Variants in CSNK2A2IP observed in about 807,000 individuals in gnomAD.
CSNK2A2IP encodes casein kinase II subunit alpha'-interacting protein.
chr3:88,368,066 A>T, the CSNK2A2IP span, among the ~76,000 whole-genome samples: 2 of 152,048 alleles, frequency 1.3e-5, no homozygotes, highest in Non-Finnish European at 2.9e-5. Flanking sequence ...AATGTCATTA[A>T]CATTTTCTCT....
chr3:88,428,666 A>C, the CSNK2A2IP span, among the ~76,000 whole-genome samples: 1 of 152,166 alleles, frequency 6.6e-6, no homozygotes. Context: ...ATTTATTAGA[A>C]GTAGTATGGT....
At chr3:88,457,864 C>T in the CSNK2A2IP span, among the ~76,000 whole-genome samples, 2 of 151,842 alleles carry the variant, frequency 1.3e-5, no homozygotes, top group African/African-American at 4.8e-5. Context: ...TTGATAGGGT[C>T]ATCAACGAAG....
At chr3:88,411,802 CAT>C in the CSNK2A2IP span, among the ~76,000 whole-genome samples, 16 of 150,956 alleles carry the variant, frequency 1.1e-4, no homozygotes, top group African/African-American at 2.2e-4. Flanking sequence ...ATATTATAAA[CAT>C]GTGAAATATC....
chr3:88,435,894 CACATTATGTGTGCATTATATA>C, the CSNK2A2IP span, among the ~76,000 whole-genome samples: 1 of 17,094 alleles, frequency 5.9e-5, no homozygotes, highest in Non-Finnish European at 2.6e-4. Context: ...ATATATAATG[CACATTATGTGTGCATTATATA>C]TATAATGCAC....
At chr3:88,454,965 A>G in the CSNK2A2IP span, among the ~76,000 whole-genome samples, 1 of 151,044 alleles carries the variant, frequency 6.6e-6, no homozygotes, top group African/African-American at 2.4e-5. Context: ...GGTTTCACAT[A>G]TAAGTGAGAT....
chr3:88,417,932 GCTAGTTAA>G, the CSNK2A2IP span, among the ~76,000 whole-genome samples: 1 of 152,150 alleles, frequency 6.6e-6, no homozygotes, highest in East Asian at 1.9e-4. Context: ...GCAAGATCTA[GCTAGTTAA>G]CTGTACTTGG....
At chr3:88,369,316 T>C in the CSNK2A2IP span, among the ~76,000 whole-genome samples, 1 of 150,714 alleles carries the variant, frequency 6.6e-6, no homozygotes, top group Non-Finnish European at 1.5e-5. Flanking sequence ...ATTTGCAAGT[T>C]TGTGTGTGTG....
At chr3:88,410,748 A>G in the CSNK2A2IP span, among the ~76,000 whole-genome samples, 32 of 152,164 alleles carry the variant, frequency 2.1e-4, no homozygotes, top group Admixed American at 1.8e-3. Flanking sequence ...TCTAATGACA[A>G]GAAATCAACT....
chr3:88,355,133 C>T, the CSNK2A2IP span, among the ~76,000 whole-genome samples: 10 of 152,134 alleles, frequency 6.6e-5, no homozygotes, highest in African/African-American at 1.9e-4. Context: ...AGGAAGCTAT[C>T]GTTGATCTGC....
the CSNK2A2IP span, among the ~76,000 whole-genome samples, chr3:88,416,271 T>TA: frequency 0.04 from 4,715 of 117,944 alleles, 156 homozygotes; most frequent in African/African-American, 0.094. Context: ...GACTCCCTAT[T>TA]AAAAAAAAAA....
At chr3:88,354,329 T>G in the CSNK2A2IP span, among the ~76,000 whole-genome samples, 2 of 152,216 alleles carry the variant, frequency 1.3e-5, no homozygotes, top group African/African-American at 4.8e-5. Flanking sequence ...GTGGTTGTAG[T>G]AATTAGATGA....
the CSNK2A2IP span, among the ~76,000 whole-genome samples, chr3:88,345,865 ATTAAGT>A: frequency 6.6e-6 from 1 of 151,958 alleles, no homozygotes; most frequent in Admixed American, 6.6e-5. Flanking sequence ...ACTAAAAATG[ATTAAGT>A]TTAGAGAGAA....
At chr3:88,386,208 T>A in the CSNK2A2IP span, among the ~76,000 whole-genome samples, 5 of 152,118 alleles carry the variant, frequency 3.3e-5, no homozygotes, top group Non-Finnish European at 5.9e-5. Flanking sequence ...TACTGCAACC[T>A]CCATCTCCCA....
chr3:88,441,511 G>A, the CSNK2A2IP span, among the ~76,000 whole-genome samples: 1 of 152,132 alleles, frequency 6.6e-6, no homozygotes, highest in East Asian at 1.9e-4. Flanking sequence ...TTGATTATAT[G>A]TTGCGTTAAA....
the CSNK2A2IP span, among the ~76,000 whole-genome samples, chr3:88,435,707 C>T: frequency 6.6e-6 from 1 of 152,052 alleles, no homozygotes; most frequent in Non-Finnish European, 1.5e-5. Context: ...ATGAACACAG[C>T]TTAAAGTCAA....
the CSNK2A2IP span, among the ~76,000 whole-genome samples, chr3:88,434,900 A>G: frequency 6.6e-6 from 1 of 152,192 alleles, no homozygotes; most frequent in Admixed American, 6.5e-5. Flanking sequence ...AGAGATCCCA[A>G]GGCTGAGTGA....
chr3:88,394,428 A>G, the CSNK2A2IP span, among the ~76,000 whole-genome samples: 1 of 152,142 alleles, frequency 6.6e-6, no homozygotes, highest in African/African-American at 2.4e-5. Context: ...ACTGGAGTGC[A>G]ATGGCATGAT....
chr3:88,378,073 G>A, the CSNK2A2IP span, among the ~76,000 whole-genome samples: 1 of 151,808 alleles, frequency 6.6e-6, no homozygotes, highest in African/African-American at 2.4e-5. Context: ...CATATTTCAA[G>A]ACATGCTTGC....
At chr3:88,445,186 T>C in the CSNK2A2IP span, among the ~76,000 whole-genome samples, 1 of 149,102 alleles carries the variant, frequency 6.7e-6, no homozygotes, top group Non-Finnish European at 1.5e-5. Context: ...TTCTGCACTT[T>C]GGGACGCTGA....
Sources: allele counts gnomAD v4.1 joint callset (sites outside exome capture counted in the v4.1 genomes callset), GRCh38; gene constraint gnomAD v4.1.1; transcripts MANE v1.5; gene names NCBI Gene and HGNC (gene_info 2026-07-23, HGNC 2026-07-21).